PRMT9: variants seen among roughly 807,000 people sequenced by gnomAD.
PRMT9 encodes the protein protein arginine methyltransferase 9.
PRMT9 carries 59 observed loss-of-function variants against 83.2 expected under a neutral mutation model. The ratio of observed to expected loss-of-function variants is 0.71; its 90% CI spans 0.57 to 0.88. PRMT9 has a LOEUF of 0.88. PRMT9 is among the 40% of genes least tolerant of loss of function. The probability of loss-of-function intolerance (pLI) is 0.00; values close to 1 mark genes in which losing one functional copy is unlikely to be tolerated. For synonymous variants in PRMT9, 333 were observed against 353.2 expected, an observed-to-expected ratio of 0.94 and a Z score of 0.64; for missense variants, 947 against 1,021.9, an observed-to-expected ratio of 0.93 and a Z score of 1.00.
chr4:147,639,733 G>C (rs374159633), intron 10 of PRMT9, among the ~76,000 whole-genome samples: 15 of 152,080 alleles, frequency 9.9e-5, no homozygotes, highest in African/African-American at 3.4e-4. Flanking sequence ...ATGATTTTTA[G>C]CCTCATCCTC....
intron 8 of PRMT9, among the ~76,000 whole-genome samples, chr4:147,655,411 C>G (rs1200721081): frequency 6.6e-6 from 1 of 152,168 alleles, no homozygotes; most frequent in Non-Finnish European, 1.5e-5. Flanking sequence ...GTTCCTCTTG[C>G]CTCAGCCTTC....
intron 7 of PRMT9, 115 bp from the exon 8 acceptor site, chr4:147,658,090 TTCAG>T: frequency 1.4e-6 from 1 of 738,132 alleles, no homozygotes; most frequent in Non-Finnish European, 2.3e-6. Context: ...CCCTTAGGGA[TTCAG>T]TATCTTGGCA....
intron 4 of PRMT9, chr4:147,672,054 T>C (rs1578930081): frequency 1.4e-5 from 5 of 351,056 alleles, no homozygotes; most frequent in South Asian, 6.6e-5. Context: ...ACCCAGTCTG[T>C]GGTATTTCGT....
chr4:147,661,097 C>T (rs1734918890), intron 6 of PRMT9, 59 bp from the exon 7 acceptor site: 8 of 1,069,374 alleles, frequency 7.5e-6, no homozygotes, highest in Middle Eastern at 4.0e-4. Flanking sequence ...AATCAAGTAA[C>T]ATATCTAATA....
At position 147,638,489 on chromosome 4, in the gene PRMT9, T is replaced by C; in HGVS notation, c.*43A>G. 6.8e-7 allele frequency: 1 copy of C among 1,474,210 alleles called. No individual in the cohort carries two copies. Among genetic ancestry groups the C allele is most frequent in the Non-Finnish European group, 9.5e-7 (1 of 1,053,908 alleles). 91.3% of individuals were successfully genotyped at this position (1,474,210 alleles called of 1,614,324 possible). On this transcript the variant is annotated 3_prime_UTR_variant, in exon 12 of 12. Transcript: ENST00000322396. The stretch of plus-strand genomic sequence containing the variant: ...CTAATTAAGACAAGAATTTTGTACT[T>C]GTTGATGCTCTATTTACACAGTTTT...
chr4:147,648,375 G>A (rs1008793199), intron 9 of PRMT9, among the ~76,000 whole-genome samples: 1 of 152,172 alleles, frequency 6.6e-6, no homozygotes, highest in African/African-American at 2.4e-5. Context: ...GAAAGACAAG[G>A]TTCAGAGAGC....
At chr4:147,659,727 G>A (rs576658372) in intron 7 of PRMT9, among the ~76,000 whole-genome samples, 212 of 151,750 alleles carry the variant, frequency 1.4e-3, no homozygotes, top group African/African-American at 4.8e-3. Flanking sequence ...AGAGGCACCC[G>A]CCACCACACC....
chr4:147,654,377 T>A lies in PRMT9; in HGVS notation c.1520A>T (p.Gln507Leu). 6.2e-7 allele frequency: 1 copy of A among 1,614,246 alleles called. No individual in the cohort carries two copies. The highest frequency in any genetic ancestry group is 8.5e-7 in the Non-Finnish European group (1 of 1,180,046). ...CTCTACAGCATCTGGTTTACTGGTC[T>A]GAAGGTTAGCGAGGGCACTACAAAG... Reference protein sequence around the residue: ...AELCSALANLQTSKPDAVEQT... With the variant: ...AELCSALANLLTSKPDAVEQT... Residue 507 changes from glutamine to leucine, a missense_variant, in exon 9 of 12, where the codon CAG (glutamine) becomes CTG (leucine). Transcript: ENST00000322396.
At chr4:147,652,052 T>C (rs899570815) in intron 9 of PRMT9, among the ~76,000 whole-genome samples, 4 of 152,106 alleles carry the variant, frequency 2.6e-5, no homozygotes, top group East Asian at 1.9e-4. Flanking sequence ...ATAGAAGAAT[T>C]TGCAAATTCA....
At chr4:147,657,511 G>A (rs979973118) in intron 8 of PRMT9, among the ~76,000 whole-genome samples, 13 of 150,796 alleles carry the variant, frequency 8.6e-5, no homozygotes, top group East Asian at 1.9e-4. Context: ...GCAAAAGAGC[G>A]AGACTCTGTC....
At chr4:147,647,410 T>C (rs770346148) in intron 9 of PRMT9, among the ~76,000 whole-genome samples, 9 of 152,152 alleles carry the variant, frequency 5.9e-5, no homozygotes, top group Non-Finnish European at 7.3e-5. Context: ...ATCCATTCCC[T>C]AGCCACCAGT....
In PRMT9 at chr4:147,642,940, C is replaced by T; in HGVS notation, c.2046G>A (p.Arg682=). The change falls in exon 10 of 12, where the codon AGG becomes AGA. Residue 682 remains arginine, a splice_region_variant and synonymous_variant. Coordinates refer to ENST00000322396, the MANE Select transcript of PRMT9 (RefSeq NM_138364.4). ...QEIMEKAAIS[R]CLLQSGGKIF... ...TCTTGCCTCCAGATTGTAGTAAACA[C>T]CTAAGAAAAAAAGTACATATTTTAA... The T allele has an allele frequency of 6.2e-7, 1 of 1,613,830 alleles. No individual in the cohort carries two copies. Among genetic ancestry groups the T allele is most frequent in the East Asian group, 2.2e-5 (1 of 44,870 alleles).
At chr4:147,651,929 T>C (rs998032895) in intron 9 of PRMT9, among the ~76,000 whole-genome samples, 11 of 152,168 alleles carry the variant, frequency 7.2e-5, no homozygotes, top group Admixed American at 7.2e-4. Context: ...TTCACACTAA[T>C]GAAGTGAAAA....
intron 10 of PRMT9, 116 bp from the exon 11 acceptor site, chr4:147,639,198 G>A (rs2126562896): frequency 1.0e-6 from 1 of 983,782 alleles, no homozygotes; most frequent in East Asian, 2.6e-5. Flanking sequence ...TGACTCAATA[G>A]TACTTGACAG....
chr4:147,658,032 C>A, intron 7 of PRMT9, 57 bp from the exon 8 acceptor site: 1 of 1,170,958 alleles, frequency 8.5e-7, no homozygotes, highest in South Asian at 1.3e-5. Flanking sequence ...ATACTTGCCT[C>A]AGTATCTTAC....
At chr4:147,640,918 G>T (rs1156954786) in intron 10 of PRMT9, among the ~76,000 whole-genome samples, 1 of 151,990 alleles carries the variant, frequency 6.6e-6, no homozygotes, top group Non-Finnish European at 1.5e-5. Flanking sequence ...TCACTTTGTT[G>T]CCCAGGCTGG....
At chr4:147,661,396 G>A in intron 6 of PRMT9, 1 of 193,370 alleles carries the variant, frequency 5.2e-6, no homozygotes, top group Non-Finnish European at 1.0e-5. Context: ...ACAAAAATGG[G>A]CAAAAGACTT....
intron 8 of PRMT9, among the ~76,000 whole-genome samples, chr4:147,657,178 T>C (rs1734565210): frequency 6.6e-6 from 1 of 152,128 alleles, no homozygotes; most frequent in Admixed American, 6.5e-5. Context: ...AAAGCAATAC[T>C]TTTCCAGTAC....
In PRMT9 at chr4:147,653,968, T is replaced by C; in HGVS notation, c.1929A>G (p.Glu643=). The C allele has an allele frequency of 6.2e-7, 1 of 1,614,174 alleles. No individual in the cohort carries two copies. Among genetic ancestry groups the C allele is most frequent in the East Asian group, 2.2e-5 (1 of 44,884 alleles). The change falls in exon 9 of 12, where the codon GAA becomes GAG. Residue 643 remains glutamate (E), a synonymous_variant. Coordinates refer to ENST00000322396, the MANE Select transcript of PRMT9 (RefSeq NM_138364.4). ...ATTTTGGCCTTTGTAACATAGCAGA[T>C]TCATCCTCCACATGTCTCAGCCAAA... ...LEFWLRHVED[E]SAMLQRPKSD... is the part of the protein sequence containing the mutation.
Sources: allele counts gnomAD v4.1 joint callset (sites outside exome capture counted in the v4.1 genomes callset), GRCh38; gene constraint gnomAD v4.1.1; transcripts MANE v1.5; gene names NCBI Gene and HGNC (gene_info 2026-07-23, HGNC 2026-07-21).